TBC1D32: variants seen among roughly 807,000 people sequenced by gnomAD.
TBC1D32 encodes TBC1 domain family member 32, also known as protein broad-minded.
A neutral mutation model predicts 170.3 loss-of-function variants in TBC1D32; 151 were observed. That is an observed-to-expected ratio of 0.89 (90% CI 0.78 to 1.01). The LOEUF is 1.01. TBC1D32 is among the 50% of genes least tolerant of loss of function. The pLI, the probability that TBC1D32 is intolerant of heterozygous loss-of-function variation, is 0.00. For missense variants in TBC1D32, 1,464 were observed against 1,457.1 expected, an observed-to-expected ratio of 1.00 and a Z score of -0.08; for synonymous variants, 498 against 488.0, an observed-to-expected ratio of 1.02 and a Z score of -0.27.
At chr6:121,291,388 G>A (rs1439060698) in intron 12 of TBC1D32, among the ~76,000 whole-genome samples, 1 of 151,886 alleles carries the variant, frequency 6.6e-6, no homozygotes, top group African/African-American at 2.4e-5. Flanking sequence ...AAAGCAGTAT[G>A]TGGTCAAAAC....
chr6:121,253,482 G>A lies in TBC1D32; in HGVS notation c.2018+1846C>T, dbSNP rs568089974. Among the ~76,000 whole-genome samples the A allele has an allele frequency of 5.9e-5, 9 of 152,312 alleles. No individual in the cohort carries two copies. In the South Asian group the frequency reaches 1.9e-3, roughly 32 times the overall value. On this transcript the variant is annotated intron_variant, in intron 17 of 31. Transcript: ENST00000398212. ...GCCTGTAATCCCCGCACTTTGGGAG[G>A]CCGAGGCGGGCGGATCACGAGGTCA... is the stretch of plus-strand genomic sequence containing the variant.
At chr6:121,182,424 A>ATAAT (rs1788651254) in intron 22 of TBC1D32, among the ~76,000 whole-genome samples, 1 of 152,084 alleles carries the variant, frequency 6.6e-6, no homozygotes, top group Non-Finnish European at 1.5e-5. Flanking sequence ...TACTAATAAA[A>ATAAT]GAATGCATAC....
chr6:121,154,791 A>G (rs2128238301), intron 24 of TBC1D32, among the ~76,000 whole-genome samples: 1 of 152,282 alleles, frequency 6.6e-6, no homozygotes, highest in African/African-American at 2.4e-5. Context: ...CAAACTATTC[A>G]TCTGAAAAAG....
chr6:121,159,172 C>T (rs1267845728), intron 24 of TBC1D32, among the ~76,000 whole-genome samples: 1 of 152,168 alleles, frequency 6.6e-6, no homozygotes, highest in Admixed American at 6.5e-5. Flanking sequence ...ATGGACTATC[C>T]TAGCAGGCTA....
intron 22 of TBC1D32, among the ~76,000 whole-genome samples, chr6:121,173,359 T>A (rs1388472525): frequency 6.6e-6 from 1 of 152,120 alleles, no homozygotes; most frequent in Non-Finnish European, 1.5e-5. Context: ...ACCTTATGAT[T>A]GCATGAGTCA....
At chr6:121,317,357 A>T in intron 3 of TBC1D32, 138 bp downstream of exon 3, 1 of 545,358 alleles carries the variant, frequency 1.8e-6, no homozygotes, top group Non-Finnish European at 3.0e-6. Context: ...CTAAATATTT[A>T]ATATTAGGTT....
At chr6:121,185,039 T>G (rs1456009231) in intron 22 of TBC1D32, among the ~76,000 whole-genome samples, 2 of 149,952 alleles carry the variant, frequency 1.3e-5, no homozygotes, top group Non-Finnish European at 2.9e-5. Flanking sequence ...CTTCTCATAC[T>G]ATTCTGTAAG....
At chr6:121,259,847 C>T (rs1382094624) in intron 15 of TBC1D32, among the ~76,000 whole-genome samples, 6 of 152,188 alleles carry the variant, frequency 3.9e-5, no homozygotes, top group Admixed American at 2.0e-4. Flanking sequence ...TTTTAGGAGT[C>T]TGACCTCCAG....
At chr6:121,210,179 ATC>A (rs1792865840) in intron 21 of TBC1D32, among the ~76,000 whole-genome samples, 1 of 152,214 alleles carries the variant, frequency 6.6e-6, no homozygotes, top group Admixed American at 6.5e-5. Context: ...AAGCTAAAGA[ATC>A]TCTTAAAATT....
intron 30 of TBC1D32, among the ~76,000 whole-genome samples, chr6:121,094,332 A>G (rs1296495924): frequency 6.6e-6 from 1 of 151,754 alleles, no homozygotes; most frequent in African/African-American, 2.4e-5. Flanking sequence ...GACCCCAGCT[A>G]ATTTTTGTAC....
chr6:121,201,217 A>G (rs1428768188), intron 22 of TBC1D32, among the ~76,000 whole-genome samples: 1 of 140,840 alleles, frequency 7.1e-6, no homozygotes, highest in Non-Finnish European at 1.6e-5. Flanking sequence ...GGTTGAGTAA[A>G]TATAGAAGAG....
At chr6:121,203,258 T>C (rs2128302161) in intron 22 of TBC1D32, among the ~76,000 whole-genome samples, 1 of 151,472 alleles carries the variant, frequency 6.6e-6, no homozygotes, top group South Asian at 2.1e-4. Flanking sequence ...ATGTATGACT[T>C]ACAAATATAC....
At chr6:121,120,918 CATT>C (rs933531385) in intron 26 of TBC1D32, among the ~76,000 whole-genome samples, 2 of 151,872 alleles carry the variant, frequency 1.3e-5, no homozygotes, top group African/African-American at 4.8e-5. Flanking sequence ...CATTAGATAT[CATT>C]ATGTGTAAAT....
intron 20 of TBC1D32, among the ~76,000 whole-genome samples, chr6:121,230,160 GTTATT>G (rs1795560947): frequency 6.6e-6 from 1 of 152,072 alleles, no homozygotes; most frequent in African/African-American, 2.4e-5. Context: ...AATAAATGCT[GTTATT>G]TTATTAAACA....
At chr6:121,328,977 A>G (rs1484966788) in intron 1 of TBC1D32, among the ~76,000 whole-genome samples, 1 of 152,216 alleles carries the variant, frequency 6.6e-6, no homozygotes, top group Non-Finnish European at 1.5e-5. Context: ...GGACATTAAA[A>G]CCTAAAAAGA....
chr6:121,334,134 C>T, intron 1 of TBC1D32, 142 bp downstream of exon 1: 1 of 648,500 alleles, frequency 1.5e-6, no homozygotes, highest in Non-Finnish European at 2.6e-6. Flanking sequence ...ATAAATTCGA[C>T]GTTTTGGCAA....
Position 121,085,567 on chromosome 6 carries a change from C to A in TBC1D32, c.3655-4677G>T, listed in dbSNP as rs573345288. On this transcript the variant is annotated intron_variant, in intron 31 of 31. Coordinates refer to ENST00000398212, the MANE Select transcript of TBC1D32 (RefSeq NM_152730.6). Reference sequence around the variant, plus strand: ...TGATTTACCAACCAACTCCAAAGGTCACAGTTTTATGTATTTTAAAGGTTT... The same window carrying A: ...TGATTTACCAACCAACTCCAAAGGTAACAGTTTTATGTATTTTAAAGGTTT... 2.1e-4 allele frequency among the ~76,000 whole-genome samples: 32 copies of A among 151,814 alleles called. 1 individual carries two copies. In the South Asian group the frequency reaches 6.6e-3, roughly 31 times the overall value.
chr6:121,100,591 G>A (rs2128185759), intron 30 of TBC1D32, among the ~76,000 whole-genome samples: 1 of 152,136 alleles, frequency 6.6e-6, no homozygotes, highest in East Asian at 1.9e-4. Flanking sequence ...AAAGCAGTGT[G>A]TAGAGGGAAA....
intron 15 of TBC1D32, among the ~76,000 whole-genome samples, chr6:121,256,565 C>G (rs1799049504): frequency 6.6e-6 from 1 of 152,142 alleles, no homozygotes; most frequent in South Asian, 2.1e-4. Flanking sequence ...TAAGTATTGT[C>G]AATTCTACAG....
Sources: allele counts gnomAD v4.1 joint callset (sites outside exome capture counted in the v4.1 genomes callset), GRCh38; gene constraint gnomAD v4.1.1; transcripts MANE v1.5; gene names NCBI Gene and HGNC (gene_info 2026-07-23, HGNC 2026-07-21).